CDV3: variants seen among roughly 807,000 people sequenced by gnomAD.
CDV3 encodes the protein CDV3 homolog.
CDV3 carries 14 observed loss-of-function variants against 24.5 expected under a neutral mutation model. The ratio of observed to expected loss-of-function variants is 0.57; its 90% CI spans 0.38 to 0.89. CDV3 has a LOEUF of 0.89. Ranked by LOEUF, CDV3 falls within the 40% of genes least tolerant of loss-of-function variation. The pLI, the probability that CDV3 is intolerant of heterozygous loss-of-function variation, is 0.00. For synonymous variants in CDV3, 114 were observed against 114.1 expected, an observed-to-expected ratio of 1.00 and a Z score of 0.00; for missense variants, 304 against 310.2, an observed-to-expected ratio of 0.98 and a Z score of 0.15.
intron 4 of CDV3, 189 bp from the exon 5 acceptor site, chr3:133,587,707 A>G (rs1311750264): frequency 2.2e-6 from 3 of 1,379,172 alleles, no homozygotes; most frequent in African/African-American, 2.9e-5. Flanking sequence ...GAGCTTCAAT[A>G]CAGCGTTCTG....
chr3:133,583,282 T>C (rs1272285350), intron 2 of CDV3, among the ~76,000 whole-genome samples: 2 of 152,238 alleles, frequency 1.3e-5, no homozygotes, highest in Non-Finnish European at 1.5e-5. Flanking sequence ...TCTGAGAGTA[T>C]TTTATGTGCG....
At chr3:133,578,437 G>C (rs750065291) in intron 2 of CDV3, among the ~76,000 whole-genome samples, 10 of 152,214 alleles carry the variant, frequency 6.6e-5, no homozygotes, top group African/African-American at 9.6e-5. Context: ...CTTTTAGGTA[G>C]AGCTGGTTAC....
At chr3:133,585,542 T>G (rs1422441982) in intron 3 of CDV3, among the ~76,000 whole-genome samples, 3 of 151,540 alleles carry the variant, frequency 2.0e-5, no homozygotes, top group Non-Finnish European at 4.4e-5. Flanking sequence ...TTGCCCAGGC[T>G]GGAGTGCAGT....
At chr3:133,574,943 G>A (rs2074745697) in intron 1 of CDV3, 96 bp from the exon 2 acceptor site, 1 of 848,694 alleles carries the variant, frequency 1.2e-6, no homozygotes, top group Non-Finnish European at 1.9e-6. Flanking sequence ...ACTTAGTTTA[G>A]GTTCCAGCCA....
At position 133,588,090 on chromosome 3, in the gene CDV3, T is replaced by A; in HGVS notation, c.*44T>A. 1 of 1,594,582 alleles carries A rather than the reference T, an allele frequency of 6.3e-7. No homozygotes were observed. The highest frequency in any genetic ancestry group is 8.5e-7 in the Non-Finnish European group (1 of 1,170,698). On this transcript the variant is annotated 3_prime_UTR_variant, in exon 5 of 5. Coordinates refer to ENST00000264993, the MANE Select transcript of CDV3 (RefSeq NM_017548.5). The stretch of plus-strand genomic sequence containing the variant: ...CCTTCTGAGGTAACTAGACTGCAGC[T>A]AACCACCACCAACAGCCATTCATCA...
At position 133,588,166 on chromosome 3, in the gene CDV3, G is replaced by T. The variant is rs1368156672; in HGVS notation, c.*120G>T. 6.5e-7 allele frequency: 1 copy of T among 1,545,270 alleles called. No individual in the cohort carries two copies. Among genetic ancestry groups the T allele is most frequent in the South Asian group, 1.3e-5 (1 of 79,136 alleles). On this transcript the variant is annotated 3_prime_UTR_variant, in exon 5 of 5. Coordinates refer to ENST00000264993, the MANE Select transcript of CDV3 (RefSeq NM_017548.5). ...ACCGATGCAGACCACTCGATTTCAT[G>T]ACCGGCCCTATTGCACTATGGAAGT...
chr3:133,576,996 C>A (rs938389757), intron 2 of CDV3, among the ~76,000 whole-genome samples: 1 of 150,142 alleles, frequency 6.7e-6, no homozygotes, highest in African/African-American at 2.5e-5. Context: ...TACAGGCGCC[C>A]GCCACCACAC....
intron 2 of CDV3, among the ~76,000 whole-genome samples, chr3:133,577,644 G>A (rs1447646140): frequency 6.6e-6 from 1 of 152,228 alleles, no homozygotes; most frequent in Non-Finnish European, 1.5e-5. Context: ...ACAGGCATGA[G>A]CCTCTGAGCC....
Position 133,574,180 on chromosome 3 carries a change from G to T in CDV3, c.136G>T (p.Gly46Cys), listed in dbSNP as rs1459186238. 9.6e-7 allele frequency: 1 copy of T among 1,040,260 alleles called. No individual in the cohort carries two copies. Among genetic ancestry groups the T allele is most frequent in the Non-Finnish European group, 1.2e-6 (1 of 868,830 alleles). The allele number at this position is 1,040,260 out of a possible 1,614,324, so 64.4% of individuals were successfully genotyped here. ...CGCCGGCGGAAGCAGTGGAGCCGCG[G>T]GTGCGGCGGGCGGCGGGGCGGGCGC... ...GSAGGSSGAA[G>C]AAGGGAGAGT... Residue 46 changes from glycine to cysteine, a missense_variant, in exon 1 of 5, where the codon GGT (glycine) becomes TGT (cysteine). Physicochemically the swap from Gly to Cys is radical, Grantham distance 159 (BLOSUM62 -3). Coordinates refer to ENST00000264993, the MANE Select transcript of CDV3 (RefSeq NM_017548.5).
At position 133,589,608 on chromosome 3, in the gene CDV3, T is replaced by C. The variant is rs376124609; in HGVS notation, c.*1562T>C. On this transcript the variant is annotated 3_prime_UTR_variant, in exon 5 of 5. Transcript: ENST00000264993. ...CCAAATGCATGAGTTGCAGACTTGCTACTGGCAAGAGTGAAGCAAGTGGGT... is the reference window on the plus strand; with the variant it reads ...CCAAATGCATGAGTTGCAGACTTGCCACTGGCAAGAGTGAAGCAAGTGGGT... The C allele has an allele frequency of 1.2e-4, 19 of 152,804 alleles. 1 individual carries two copies. The highest frequency in any genetic ancestry group is 2.6e-4 in the African/African-American group (11 of 41,582). 9.5% of individuals were successfully genotyped at this position (152,804 alleles called of 1,614,324 possible).
At chr3:133,585,679 A>G (rs1381578149) in intron 3 of CDV3, among the ~76,000 whole-genome samples, 2 of 151,852 alleles carry the variant, frequency 1.3e-5, no homozygotes, top group Non-Finnish European at 2.9e-5. Flanking sequence ...TATTTTTAGT[A>G]GAGACGGGGT....
At position 133,573,937 on chromosome 3, in the gene CDV3, G is replaced by C; in HGVS notation, c.-108G>C. ...GGCGACCCCGCGGGGCTGAGGCGTC[G>C]CCGCGCCCGGCAGCGTGAGCGCAGA... On this transcript the variant is annotated 5_prime_UTR_variant, in exon 1 of 5. Coordinates refer to ENST00000264993, the MANE Select transcript of CDV3 (RefSeq NM_017548.5). 1 of 929,836 alleles carries C rather than the reference G, an allele frequency of 1.1e-6. No individual in the cohort carries two copies. Among genetic ancestry groups the C allele is most frequent in the South Asian group, 5.0e-5 (1 of 20,190 alleles). The allele number at this position is 929,836 out of a possible 1,614,324, so 57.6% of individuals were successfully genotyped here.
At chr3:133,577,701 A>G (rs549985602) in intron 2 of CDV3, among the ~76,000 whole-genome samples, 1 of 152,316 alleles carries the variant, frequency 6.6e-6, no homozygotes, top group African/African-American at 2.4e-5. Flanking sequence ...CCTGGTCCTT[A>G]TAGTAGTTAG....
chr3:133,586,823 C>T (rs1933653393), intron 4 of CDV3, 101 bp downstream of exon 4: 1 of 701,106 alleles, frequency 1.4e-6, no homozygotes, highest in Non-Finnish European at 2.5e-6. Flanking sequence ...AGAGACTACT[C>T]CTTAACTAAT....
intron 2 of CDV3, among the ~76,000 whole-genome samples, chr3:133,578,230 T>G (rs1266352626): frequency 6.6e-6 from 1 of 152,242 alleles, no homozygotes. Flanking sequence ...GCAAGTGATC[T>G]CAAAGCAAAG....
intron 3 of CDV3, among the ~76,000 whole-genome samples, chr3:133,585,319 T>A (rs937372318): frequency 2.0e-5 from 3 of 151,630 alleles, no homozygotes; most frequent in African/African-American, 7.3e-5. Context: ...GGATTGCAGG[T>A]GTGAGTCACC....
Position 133,574,099 on chromosome 3 carries a change from A to G in CDV3, c.55A>G (p.Lys19Glu). ...CAACTTCTTTGCCAAGAGGGACAAG[A>G]AGAAGAAGAAGGAGCGGAGCAACCG... ...LDNFFAKRDK[K>E]KKKERSNRAA... The change falls in exon 1 of 5, where the codon AAG becomes GAG. Residue 19 changes from lysine (K) to glutamate (E), a missense_variant. By Grantham distance (56) the Lys-to-Glu change is moderately conservative. Transcript: ENST00000264993. The G allele has an allele frequency of 8.1e-7, 1 of 1,227,246 alleles. No homozygotes were observed. The highest frequency in any genetic ancestry group is 1.5e-5 in the South Asian group (1 of 64,980). The allele number at this position is 1,227,246 out of a possible 1,614,324, so 76.0% of individuals were successfully genotyped here. A position where few individuals can be genotyped will look rare whatever the true frequency, so the allele number is the denominator to read the frequency against.
Position 133,574,767 on chromosome 3 carries a change from A to G in CDV3, c.241-272A>G, listed in dbSNP as rs996407721. ...GGTTGAAGTAGAAATGTAGTTGTGAAATTCCTATTGACTTCTTCCTTCGGC... is the reference window on the plus strand; with the variant it reads ...GGTTGAAGTAGAAATGTAGTTGTGAGATTCCTATTGACTTCTTCCTTCGGC... On this transcript the variant is annotated intron_variant, in intron 1 of 4. Transcript: ENST00000264993. 3.6e-6 allele frequency: 4 copies of G among 1,116,008 alleles called. No individual in the cohort carries two copies. In the South Asian group the frequency reaches 1.2e-4, roughly 35 times the overall value. The allele number at this position is 1,116,008 out of a possible 1,614,324, so 69.1% of individuals were successfully genotyped here. A position where few individuals can be genotyped will look rare whatever the true frequency, so the allele number is the denominator to read the frequency against.
intron 3 of CDV3, 139 bp downstream of exon 3, chr3:133,584,289 A>C: frequency 1.7e-6 from 1 of 572,690 alleles, no homozygotes; most frequent in Non-Finnish European, 3.0e-6. Context: ...TGGGATGTGT[A>C]TATATCTTGT....
Sources: gnomAD v4.1 joint callset for allele counts (sites outside exome capture counted in the v4.1 genomes callset) on GRCh38, gnomAD v4.1.1 for gene constraint, MANE v1.5 for transcripts, NCBI Gene and HGNC (gene_info 2026-07-23, HGNC 2026-07-21) for gene names.